The following MDGA2 variants were observed in gnomAD, a reference collection of about 807,000 sequenced individuals.
The protein encoded by MDGA2 is MAM domain containing glycosylphosphatidylinositol anchor 2.
In MDGA2, 40 loss-of-function variants were observed where a neutral mutation model predicts 117.8. The observed-to-expected ratio is 0.34, with a 90% CI of 0.26 to 0.44. The LOEUF is 0.44. Ranked by LOEUF, MDGA2 falls within the 20% of genes least tolerant of loss-of-function variation. The pLI is 1.00. For missense variants in MDGA2, 1,123 were observed against 1,250.6 expected, an observed-to-expected ratio of 0.90 and a Z score of 1.54; for synonymous variants, 452 against 439.0, an observed-to-expected ratio of 1.03 and a Z score of -0.37.
intron 6 of MDGA2, among the ~76,000 whole-genome samples, chr14:47,085,227 C>G (rs191204367): frequency 6.6e-6 from 1 of 151,916 alleles, no homozygotes; most frequent in South Asian, 2.1e-4. Context: ...AATCAGTAAT[C>G]AAATCACTGC....
At chr14:47,384,614 T>C (rs558100940) in intron 1 of MDGA2, among the ~76,000 whole-genome samples, 34 of 152,260 alleles carry the variant, frequency 2.2e-4, no homozygotes, top group Middle Eastern at 3.4e-3. Context: ...TTTTGCAGTA[T>C]GGCTTGAGAG....
At chr14:46,941,078 G>T (rs1298106043) in intron 9 of MDGA2, among the ~76,000 whole-genome samples, 1 of 152,146 alleles carries the variant, frequency 6.6e-6, no homozygotes, top group African/African-American at 2.4e-5. Context: ...CCTAGAACAA[G>T]AAAAAGAATA....
At chr14:46,952,905 A>G (rs992336046) in intron 9 of MDGA2, among the ~76,000 whole-genome samples, 1 of 151,932 alleles carries the variant, frequency 6.6e-6, no homozygotes, top group African/African-American at 2.4e-5. Flanking sequence ...GAATTTGCAT[A>G]TCATCCTATA....
intron 10 of MDGA2, among the ~76,000 whole-genome samples, chr14:46,917,593 G>A (rs547897336): frequency 1.1e-3 from 160 of 152,086 alleles, no homozygotes; most frequent in African/African-American, 3.6e-3. Flanking sequence ...ACATAGAAAA[G>A]GGAAATTTAT....
chr14:47,322,548 G>C (rs1438205373), intron 1 of MDGA2, among the ~76,000 whole-genome samples: 1 of 152,118 alleles, frequency 6.6e-6, no homozygotes, highest in Non-Finnish European at 1.5e-5. Flanking sequence ...AGCTCAATCA[G>C]ATTTTATCCT....
At chr14:47,623,775 T>C (rs1393239279) in intron 1 of MDGA2, among the ~76,000 whole-genome samples, 2 of 152,218 alleles carry the variant, frequency 1.3e-5, no homozygotes. Context: ...TAATGGATTA[T>C]AATTAAAACC....
At chr14:47,167,498 G>A (rs1397820132) in intron 3 of MDGA2, among the ~76,000 whole-genome samples, 3 of 151,938 alleles carry the variant, frequency 2.0e-5, no homozygotes, top group Admixed American at 1.3e-4. Context: ...TTTCCAGGAA[G>A]AAAAAAATCA....
intron 7 of MDGA2, among the ~76,000 whole-genome samples, chr14:47,038,959 A>C (rs1278769797): frequency 3.3e-5 from 5 of 151,952 alleles, no homozygotes; most frequent in Non-Finnish European, 4.4e-5. Context: ...CAAAAAAAAA[A>C]AAAAATAGAT....
intron 15 of MDGA2, among the ~76,000 whole-genome samples, chr14:46,854,614 A>G (rs1446294356): frequency 6.6e-6 from 1 of 151,810 alleles, no homozygotes; most frequent in Non-Finnish European, 1.5e-5. Flanking sequence ...TTAAATCAGA[A>G]GGAACTTTTT....
chr14:46,845,235 G>A (rs1418129437), intron 16 of MDGA2, among the ~76,000 whole-genome samples: 3 of 152,116 alleles, frequency 2.0e-5, no homozygotes, highest in African/African-American at 7.2e-5. Flanking sequence ...AATTCTCCTT[G>A]CTGCCTTGTG....
chr14:47,554,729 A>G (rs1895651613), intron 1 of MDGA2, among the ~76,000 whole-genome samples: 1 of 152,090 alleles, frequency 6.6e-6, no homozygotes, highest in Non-Finnish European at 1.5e-5. Context: ...CTACCTCTAA[A>G]CTTTGGTTAC....
At chr14:47,407,345 T>G (rs2138477168) in intron 1 of MDGA2, among the ~76,000 whole-genome samples, 1 of 152,332 alleles carries the variant, frequency 6.6e-6, no homozygotes, top group South Asian at 2.1e-4. Context: ...CTTTTCAAGC[T>G]TAAAATGGAC....
intron 4 of MDGA2, among the ~76,000 whole-genome samples, chr14:47,138,221 T>C (rs1044776879): frequency 6.6e-6 from 1 of 152,156 alleles, no homozygotes; most frequent in Non-Finnish European, 1.5e-5. Flanking sequence ...TTTTATTTTG[T>C]TGATCATTTG....
At chr14:47,301,079 T>C (rs1483648428) in intron 2 of MDGA2, among the ~76,000 whole-genome samples, 1 of 152,202 alleles carries the variant, frequency 6.6e-6, no homozygotes, top group Non-Finnish European at 1.5e-5. Flanking sequence ...CTCATTGCCA[T>C]ATGAATTGTT....
At chr14:47,605,654 A>T (rs1306363337) in intron 1 of MDGA2, among the ~76,000 whole-genome samples, 1 of 152,198 alleles carries the variant, frequency 6.6e-6, no homozygotes, top group Non-Finnish European at 1.5e-5. Flanking sequence ...ATGAAAAAAA[A>T]AAGATTAATC....
At chr14:46,931,662 A>G (rs1198415949) in intron 9 of MDGA2, among the ~76,000 whole-genome samples, 2 of 151,710 alleles carry the variant, frequency 1.3e-5, no homozygotes, top group African/African-American at 2.4e-5. Flanking sequence ...AGCGGGGACT[A>G]GAGGCATGAG....
chr14:47,089,341 G>A (rs1163467442), intron 6 of MDGA2, among the ~76,000 whole-genome samples: 2 of 152,016 alleles, frequency 1.3e-5, no homozygotes, highest in African/African-American at 4.8e-5. Context: ...CTTTTGGGAA[G>A]TTACTTAATG....
At chr14:47,511,364 G>T (rs954905284) in intron 1 of MDGA2, among the ~76,000 whole-genome samples, 5 of 152,018 alleles carry the variant, frequency 3.3e-5, no homozygotes, top group South Asian at 2.1e-4. Flanking sequence ...TAAATAATTA[G>T]ACATTTAAAA....
intron 1 of MDGA2, among the ~76,000 whole-genome samples, chr14:47,500,743 C>T (rs768609286): frequency 4.6e-5 from 7 of 151,858 alleles, no homozygotes; most frequent in East Asian, 1.9e-4. Context: ...AGGAGACTAA[C>T]GAAAGTTAAT....
Sources: allele counts gnomAD v4.1 joint callset (sites outside exome capture counted in the v4.1 genomes callset), GRCh38; gene constraint gnomAD v4.1.1; transcripts MANE v1.5; gene names NCBI Gene and HGNC (gene_info 2026-07-23, HGNC 2026-07-21).